ELP4: variants seen among roughly 807,000 people sequenced by gnomAD.
ELP4 encodes elongator acetyltransferase complex subunit 4, also known as elongator complex protein 4.
Under a neutral mutation model 48.9 loss-of-function variants are expected in ELP4, and 51 were observed. The observed-to-expected ratio is 1.04, with a 90% CI of 0.83 to 1.32. The LOEUF is 1.32. Ranked by LOEUF, ELP4 falls within the 40% of genes most tolerant of loss-of-function variation. The probability of loss-of-function intolerance (pLI) is 0.00; values close to 1 mark genes in which losing one functional copy is unlikely to be tolerated. For synonymous variants in ELP4, 210 were observed against 189.2 expected, an observed-to-expected ratio of 1.11 and a Z score of -0.90; for missense variants, 519 against 514.6, an observed-to-expected ratio of 1.01 and a Z score of -0.08.
rs555755889 is a variant in ELP4, at chr11:31,667,216, T to C, written c.1143+16995T>C. Among the ~76,000 whole-genome samples the C allele has an allele frequency of 3.3e-5, 5 of 152,340 alleles. No homozygotes were observed. The South Asian group carries it at 1.0e-3, about 32-fold the overall frequency. On this transcript the variant is annotated intron_variant, in intron 9 of 9. Transcript: ENST00000640961. ...TTGGCCCATAGAGTCTGTTATATCATTGGAGCAAGCACTTAATAAGTTTAT... is the reference window on the plus strand; with the variant it reads ...TTGGCCCATAGAGTCTGTTATATCACTGGAGCAAGCACTTAATAAGTTTAT...
intron 5 of ELP4, among the ~76,000 whole-genome samples, chr11:31,616,390 A>T (rs1944484482): frequency 6.6e-6 from 1 of 152,094 alleles, no homozygotes; most frequent in Non-Finnish European, 1.5e-5. Context: ...AATAAAAATG[A>T]AGATAGATCC....
chr11:31,780,994 A>G (rs1592306824), intron 9 of ELP4, among the ~76,000 whole-genome samples: 3 of 152,192 alleles, frequency 2.0e-5, no homozygotes, highest in African/African-American at 7.2e-5. Context: ...TCCTTCGCCA[A>G]CTGTGATTTC....
chr11:31,599,620 G>A (rs1957743937), intron 4 of ELP4: 1 of 152,346 alleles, frequency 6.6e-6, no homozygotes, highest in Non-Finnish European at 1.5e-5. Context: ...ACATACCTGT[G>A]GAGGCCTCGG....
intron 9 of ELP4, among the ~76,000 whole-genome samples, chr11:31,702,473 A>G (rs970188709): frequency 6.6e-6 from 1 of 152,136 alleles, no homozygotes; most frequent in African/African-American, 2.4e-5. Context: ...AAAGTTGCAT[A>G]ACAACATACA....
chr11:31,690,078 T>A (rs1946245164), intron 9 of ELP4, among the ~76,000 whole-genome samples: 1 of 152,188 alleles, frequency 6.6e-6, no homozygotes, highest in Non-Finnish European at 1.5e-5. Context: ...AATCCTTAGA[T>A]TAATTCCTTC....
At chr11:31,583,832 T>C (rs1280216233) in intron 3 of ELP4, among the ~76,000 whole-genome samples, 1 of 152,240 alleles carries the variant, frequency 6.6e-6, no homozygotes, top group Non-Finnish European at 1.5e-5. Context: ...GGAAATGTTC[T>C]ATTCCAGAAC....
At chr11:31,549,090 TC>T (rs1240497678) in intron 3 of ELP4, among the ~76,000 whole-genome samples, 1 of 151,850 alleles carries the variant, frequency 6.6e-6, no homozygotes, top group African/African-American at 2.4e-5. Context: ...GGACTTCATG[TC>T]TAAAACACCA....
intron 9 of ELP4, chr11:31,662,617 C>G: frequency 2.5e-6 from 1 of 397,782 alleles, no homozygotes; most frequent in Non-Finnish European, 4.4e-6. Flanking sequence ...AAGAAGAACC[C>G]CTACTTTAAA....
At chr11:31,659,647 A>G (rs760367451) in intron 9 of ELP4, among the ~76,000 whole-genome samples, 4 of 152,134 alleles carry the variant, frequency 2.6e-5, no homozygotes, top group Non-Finnish European at 4.4e-5. Flanking sequence ...TTGAACGTAT[A>G]TAGTCATTTA....
rs1261113842 is a variant in ELP4 at position 31,714,028 on chromosome 11, AG to A, written c.1143+63808del. Among the ~76,000 whole-genome samples, 3 of 152,274 alleles carry A rather than the reference AG, an allele frequency of 2.0e-5. No individual in the cohort carries two copies. The East Asian group carries it at 5.8e-4, about 29-fold the overall frequency. ...GAAGAGAAAGAATGCCAAGTAGAGT[AG>A]AAATATTATAAGAGATTTAGGGGTG... On this transcript the variant is annotated intron_variant, in intron 9 of 9. Transcript: ENST00000640961.
chr11:31,770,751 T>C (rs1421300792), intron 9 of ELP4, among the ~76,000 whole-genome samples: 2 of 147,000 alleles, frequency 1.4e-5, no homozygotes, highest in South Asian at 2.1e-4. Context: ...CGCCCATCTC[T>C]ACAAAAAATA....
chr11:31,660,303 A>G (rs16922363), intron 9 of ELP4, among the ~76,000 whole-genome samples: 2,782 of 152,220 alleles, frequency 0.018, 91 homozygotes, highest in African/African-American at 0.062. Context: ...ATTGAAAAAG[A>G]TGGTAACAAA....
At chr11:31,747,131 A>T (rs1434247442) in intron 9 of ELP4, among the ~76,000 whole-genome samples, 1 of 152,150 alleles carries the variant, frequency 6.6e-6, no homozygotes, top group East Asian at 1.9e-4. Context: ...TAAAAATGGT[A>T]TAACCTTCTC....
intron 9 of ELP4, among the ~76,000 whole-genome samples, chr11:31,723,166 A>T (rs1313650436): frequency 9.2e-5 from 14 of 152,114 alleles, no homozygotes; most frequent in African/African-American, 3.4e-4. Context: ...TTACACCCTC[A>T]TCTAGGCCCT....
chr11:31,536,628 A>C lies in ELP4; in HGVS notation c.260-3034A>C, dbSNP rs138877232. 5.6e-3 allele frequency among the ~76,000 whole-genome samples: 856 copies of C among 152,320 alleles called. 11 individuals carry two copies. The highest frequency in any genetic ancestry group is 0.02 in the African/African-American group (826 of 41,572). On this transcript the variant is annotated intron_variant, in intron 2 of 9. Transcript: ENST00000640961. Reference sequence around the variant, plus strand: ...CGGCCTCTCAAAGCATGGGGATTACAGACATGAGCCACCGCATCTGGTCTG... The same window carrying C: ...CGGCCTCTCAAAGCATGGGGATTACCGACATGAGCCACCGCATCTGGTCTG...
At chr11:31,655,768 A>G (rs879297159) in intron 9 of ELP4, among the ~76,000 whole-genome samples, 1 of 152,056 alleles carries the variant, frequency 6.6e-6, no homozygotes, top group Non-Finnish European at 1.5e-5. Flanking sequence ...TGCTAAAAGT[A>G]TCCTGATTAG....
rs117905658 is a variant in ELP4, at chr11:31,620,025, A to G, written c.654-7085A>G. Among the ~76,000 whole-genome samples, 1,099 of 152,110 alleles carry G rather than the reference A, an allele frequency of 7.2e-3. 15 individuals are homozygous for G. The highest frequency in any genetic ancestry group is 0.046 in the South Asian group (220 of 4,826). On this transcript the variant is annotated intron_variant, in intron 5 of 9. Coordinates refer to ENST00000640961, the MANE Select transcript of ELP4 (RefSeq NM_019040.5). Reference sequence around the variant, plus strand: ...CTGTTTTCTCATTGAAAGGTTATAAACTGATAATGAAGATGGAGGAAGAGA... The same window carrying G: ...CTGTTTTCTCATTGAAAGGTTATAAGCTGATAATGAAGATGGAGGAAGAGA...
chr11:31,786,964 G>A lies in ELP4; in HGVS notation c.*3440G>A. On this transcript the variant is annotated 3_prime_UTR_variant, in exon 10 of 10. Coordinates refer to ENST00000640961, the MANE Select transcript of ELP4 (RefSeq NM_019040.5). Reference sequence around the variant, plus strand: ...CAAATAATCTCCATCCTGGAAGATGGTGTCAAAACATCCCTGCAGATACCC... The same window carrying A: ...CAAATAATCTCCATCCTGGAAGATGATGTCAAAACATCCCTGCAGATACCC... 4.6e-6 allele frequency: 1 copy of A among 219,298 alleles called. No individual in the cohort carries two copies. Among genetic ancestry groups the A allele is most frequent in the Non-Finnish European group, 9.2e-6 (1 of 109,206 alleles). The allele number at this position is 219,298 out of a possible 1,614,324, so 13.6% of individuals were successfully genotyped here. A position where few individuals can be genotyped will look rare whatever the true frequency, so the allele number is the denominator to read the frequency against.
rs759391101 is a variant in ELP4, at chr11:31,789,912, C to CTTTTTTTTTTTTTTTTTTTTTTT, written c.*6389_*6411dup. On this transcript the variant is annotated 3_prime_UTR_variant, in exon 10 of 10. Transcript: ENST00000640961. ...CTGAATTAACACAATATTTCCTTTC[C>CTTTTTTTTTTTTTTTTTTTTTTT]TTTTTTTTTTTTTTTTTTTTTTTAC... 6.7e-6 allele frequency: 7 copies of CTTTTTTTTTTTTTTTTTTTTTTT among 1,046,618 alleles called. No homozygotes were observed. Among genetic ancestry groups the CTTTTTTTTTTTTTTTTTTTTTTT allele is most frequent in the South Asian group, 3.0e-5 (2 of 67,626 alleles). 64.8% of individuals were successfully genotyped at this position (1,046,618 alleles called of 1,614,324 possible).
Sources: gnomAD v4.1 joint callset for allele counts (sites outside exome capture counted in the v4.1 genomes callset) on GRCh38, gnomAD v4.1.1 for gene constraint, MANE v1.5 for transcripts, NCBI Gene and HGNC (gene_info 2026-07-23, HGNC 2026-07-21) for gene names.